The following UBOX5 variants were observed in gnomAD, a reference collection of about 807,000 sequenced individuals.
The protein encoded by UBOX5 is U-box domain containing 5.
In UBOX5, 28 loss-of-function variants were observed where a neutral mutation model predicts 39.0. That is an observed-to-expected ratio of 0.72 (90% confidence interval 0.53 to 0.98). UBOX5 has a LOEUF of 0.98. Ranked by LOEUF, UBOX5 falls within the 50% of genes least tolerant of loss-of-function variation. The pLI is 0.00. For missense variants in UBOX5, 585 were observed against 674.4 expected, an observed-to-expected ratio of 0.87 and a Z score of 1.47; for synonymous variants, 283 against 275.5, an observed-to-expected ratio of 1.03 and a Z score of -0.27.
intron 1 of UBOX5, among the ~76,000 whole-genome samples, chr20:3,151,172 G>C (rs2066620492): frequency 6.6e-6 from 1 of 152,082 alleles, no homozygotes; most frequent in South Asian, 2.1e-4. Context: ...TGAAGTGCTA[G>C]TATTACAGGC....
chr20:3,125,183 G>A (rs1221995600), intron 1 of UBOX5, among the ~76,000 whole-genome samples: 7 of 146,142 alleles, frequency 4.8e-5, no homozygotes, highest in East Asian at 2.1e-4. Context: ...GCCACTGCCC[G>A]GCTGCACCAT....
intron 3 of UBOX5, among the ~76,000 whole-genome samples, chr20:3,119,272 G>A (rs1434547417): frequency 6.6e-6 from 1 of 152,198 alleles, no homozygotes; most frequent in Non-Finnish European, 1.5e-5. Context: ...ACCAGCAAGT[G>A]AGGCCTCAGT....
chr20:3,135,119 C>T (rs2066459580), intron 1 of UBOX5, among the ~76,000 whole-genome samples: 2 of 151,996 alleles, frequency 1.3e-5, no homozygotes, highest in South Asian at 4.1e-4. Flanking sequence ...ATATAAAATG[C>T]ATTTCTTATT....
chr20:3,112,186 C>T (rs796954271), intron 4 of UBOX5, among the ~76,000 whole-genome samples: 17 of 152,066 alleles, frequency 1.1e-4, no homozygotes, highest in African/African-American at 3.9e-4. Context: ...GGGGAGGAAG[C>T]AGGAGGAAAG....
chr20:3,122,685 C>T (rs894342224), intron 2 of UBOX5, 101 bp from the exon 3 acceptor site: 4 of 1,411,416 alleles, frequency 2.8e-6, no homozygotes, highest in East Asian at 2.4e-5. Context: ...TTAAAATTTC[C>T]TCTATTAAAC....
intron 1 of UBOX5, among the ~76,000 whole-genome samples, chr20:3,125,632 G>C (rs146124282): frequency 7.9e-6 from 1 of 126,706 alleles, no homozygotes; most frequent in Non-Finnish European, 1.6e-5. Flanking sequence ...GGTGAGGAGT[G>C]CCTCTGCCCG....
intron 4 of UBOX5, among the ~76,000 whole-genome samples, chr20:3,113,892 G>A (rs1411339916): frequency 6.6e-6 from 1 of 152,188 alleles, no homozygotes; most frequent in Non-Finnish European, 1.5e-5. Context: ...CCAGCACTTT[G>A]GGAGGCCGAG....
At position 3,159,860 on chromosome 20, in the gene UBOX5, C is replaced by G. The variant is rs1051832549; in HGVS notation, c.-136G>C. The G allele has an allele frequency of 2.6e-5, 4 of 152,344 alleles. No homozygotes were observed. Among genetic ancestry groups the G allele is most frequent in the Non-Finnish European group, 5.9e-5 (4 of 68,106 alleles). The allele number at this position is 152,344 out of a possible 1,614,324, so 9.4% of individuals were successfully genotyped here. Reference sequence around the variant, plus strand: ...TGGCTCCTCCGGCGACTCCGAGCCTCACAGCCCCACTTCCGGCCAACTGCC... The same window carrying G: ...TGGCTCCTCCGGCGACTCCGAGCCTGACAGCCCCACTTCCGGCCAACTGCC... On this transcript the variant is annotated 5_prime_UTR_variant, in exon 1 of 5. Transcript: ENST00000217173.
At chr20:3,122,689 A>G (rs2066347943) in intron 2 of UBOX5, 105 bp from the exon 3 acceptor site, 3 of 1,393,854 alleles carry the variant, frequency 2.2e-6, no homozygotes, top group South Asian at 3.0e-5. Context: ...AATTTCCTCT[A>G]TTAAACTGAA....
At chr20:3,134,694 A>G (rs1046464050) in intron 1 of UBOX5, among the ~76,000 whole-genome samples, 1 of 151,780 alleles carries the variant, frequency 6.6e-6, no homozygotes, top group Non-Finnish European at 1.5e-5. Context: ...CCCCATCTCC[A>G]CTAAAAATAC....
At chr20:3,127,694 G>A (rs1243711817) in intron 1 of UBOX5, among the ~76,000 whole-genome samples, 1 of 152,022 alleles carries the variant, frequency 6.6e-6, no homozygotes, top group Non-Finnish European at 1.5e-5. Flanking sequence ...ATGCCTTCTA[G>A]TATGGTCACA....
chr20:3,153,742 T>C (rs1324518427), intron 1 of UBOX5, among the ~76,000 whole-genome samples: 1 of 152,252 alleles, frequency 6.6e-6, no homozygotes, highest in Non-Finnish European at 1.5e-5. Context: ...CTACGGTTTA[T>C]ACTGCAAGTT....
At chr20:3,118,233 G>A (rs2148591075) in intron 3 of UBOX5, among the ~76,000 whole-genome samples, 1 of 152,232 alleles carries the variant, frequency 6.6e-6, no homozygotes, top group Admixed American at 6.5e-5. Context: ...AGCACTTTGG[G>A]AGGCTGAGGC....
chr20:3,141,275 G>A (rs1449114995), intron 1 of UBOX5, among the ~76,000 whole-genome samples: 1 of 152,038 alleles, frequency 6.6e-6, no homozygotes, highest in Admixed American at 6.6e-5. Flanking sequence ...GAAAAGTGGT[G>A]TGTGCTGAAA....
chr20:3,123,808 C>T (rs2066356531), intron 1 of UBOX5, among the ~76,000 whole-genome samples: 1 of 152,158 alleles, frequency 6.6e-6, no homozygotes, highest in Non-Finnish European at 1.5e-5. Flanking sequence ...GGTAAGCATC[C>T]TTGTCATTTA....
intron 1 of UBOX5, among the ~76,000 whole-genome samples, chr20:3,137,612 C>T (rs1328997035): frequency 6.6e-6 from 1 of 152,192 alleles, no homozygotes; most frequent in Admixed American, 6.6e-5. Context: ...AACCAGCCTA[C>T]TGATACTGGT....
At chr20:3,115,505 G>GCTCCGCAAAAGAGAACAGC in intron 3 of UBOX5, 39 bp from the exon 4 acceptor site, 1 of 1,568,728 alleles carries the variant, frequency 6.4e-7, no homozygotes. Flanking sequence ...CCAGAGACAG[G>GCTCCGCAAAAGAGAACAGC]CTCCGCAAAA....
At chr20:3,131,660 C>T (rs2066429645) in intron 1 of UBOX5, among the ~76,000 whole-genome samples, 1 of 152,164 alleles carries the variant, frequency 6.6e-6, no homozygotes, top group South Asian at 2.1e-4. Context: ...AGATACATGA[C>T]ATTATACATT....
chr20:3,147,418 C>T, intron 1 of UBOX5: 1 of 1,614,180 alleles, frequency 6.2e-7, no homozygotes, highest in African/African-American at 1.3e-5. Context: ...AATTCATATC[C>T]TTCTCTGCTA....
Sources: allele counts gnomAD v4.1 joint callset (sites outside exome capture counted in the v4.1 genomes callset), GRCh38; gene constraint gnomAD v4.1.1; transcripts MANE v1.5; gene names NCBI Gene and HGNC (gene_info 2026-07-23, HGNC 2026-07-21).